The following ZDHHC20 variants were observed in gnomAD, a reference collection of about 807,000 sequenced individuals.
The protein encoded by ZDHHC20 is zDHHC palmitoyltransferase 20, also known as palmitoyltransferase ZDHHC20.
In ZDHHC20, 43 loss-of-function variants were observed where a neutral mutation model predicts 57.8. The ratio of observed to expected loss-of-function variants is 0.74; its 90% CI spans 0.58 to 0.96. The LOEUF is 0.96. Among genes scored for constraint, ZDHHC20 ranks in the 40% least tolerant of loss-of-function variants. The pLI, the probability that ZDHHC20 is intolerant of heterozygous loss-of-function variation, is 0.00. For missense variants in ZDHHC20, 391 were observed against 441.1 expected (o/e 0.89, Z 1.02); for synonymous variants, 157 against 153.0 (o/e 1.03, Z -0.19).
intron 3 of ZDHHC20, among the ~76,000 whole-genome samples, chr13:21,414,096 A>G (rs1441137175): frequency 6.6e-6 from 1 of 152,198 alleles, no homozygotes; most frequent in Non-Finnish European, 1.5e-5. Context: ...TTAGTTGTTT[A>G]AAAGTTACTG....
intron 3 of ZDHHC20, among the ~76,000 whole-genome samples, chr13:21,418,378 C>A (rs1432255324): frequency 6.6e-6 from 1 of 151,956 alleles, no homozygotes; most frequent in Non-Finnish European, 1.5e-5. Flanking sequence ...CTAGAACCAC[C>A]ACCAAAAAAA....
intron 4 of ZDHHC20, among the ~76,000 whole-genome samples, chr13:21,410,883 TGG>T (rs1879115733): frequency 6.6e-6 from 1 of 152,164 alleles, no homozygotes; most frequent in Non-Finnish European, 1.5e-5. Flanking sequence ...TCTGTCTTGC[TGG>T]CGTGCCAGGT....
intron 1 of ZDHHC20, among the ~76,000 whole-genome samples, chr13:21,431,658 T>G: frequency 6.6e-6 from 1 of 152,356 alleles, no homozygotes; most frequent in South Asian, 2.1e-4. Context: ...GAATTGACAG[T>G]TTTTAAAATT....
chr13:21,457,675 T>C (rs1291600372), intron 1 of ZDHHC20, among the ~76,000 whole-genome samples: 1 of 152,248 alleles, frequency 6.6e-6, no homozygotes, highest in Non-Finnish European at 1.5e-5. Context: ...CTGGATGTTT[T>C]AATTTCAAAA....
intron 1 of ZDHHC20, among the ~76,000 whole-genome samples, chr13:21,454,288 T>C (rs1884723609): frequency 6.6e-6 from 1 of 152,124 alleles, no homozygotes; most frequent in East Asian, 1.9e-4. Flanking sequence ...ATCGCCACAT[T>C]GCACTGAAGC....
chr13:21,457,130 T>C (rs766820592), intron 1 of ZDHHC20, among the ~76,000 whole-genome samples: 4 of 152,218 alleles, frequency 2.6e-5, no homozygotes, highest in Non-Finnish European at 5.9e-5. Flanking sequence ...TCATTTCTCC[T>C]TCTTTATTTG....
chr13:21,429,052 G>A (rs1881620664), intron 1 of ZDHHC20, among the ~76,000 whole-genome samples: 1 of 152,082 alleles, frequency 6.6e-6, no homozygotes, highest in African/African-American at 2.4e-5. Flanking sequence ...ATGAGGGCTG[G>A]CTATGTCCTA....
chr13:21,393,189 CT>C (rs544664779), intron 7 of ZDHHC20, among the ~76,000 whole-genome samples: 365 of 131,392 alleles, frequency 2.8e-3, no homozygotes, highest in Middle Eastern at 3.9e-3. Context: ...TTTCTTTTTT[CT>C]TTTTTTTTTT....
intron 3 of ZDHHC20, 94 bp downstream of exon 3, chr13:21,420,967 A>G (rs1035377137): frequency 1.2e-5 from 11 of 927,906 alleles, no homozygotes; most frequent in Admixed American, 4.2e-5. Flanking sequence ...AACAGAACAC[A>G]TGCATTATGT....
chr13:21,383,347 CT>C (rs1358758457), intron 9 of ZDHHC20, among the ~76,000 whole-genome samples: 2 of 152,170 alleles, frequency 1.3e-5, no homozygotes, highest in African/African-American at 4.8e-5. Context: ...GGGAGTTCCC[CT>C]GGCACATACT....
chr13:21,396,444 G>A (rs1244601465), intron 7 of ZDHHC20, among the ~76,000 whole-genome samples: 1 of 152,158 alleles, frequency 6.6e-6, no homozygotes, highest in Non-Finnish European at 1.5e-5. Flanking sequence ...ATATGGAATA[G>A]ACAACAGACA....
At chr13:21,437,447 T>C (rs1473921417) in intron 1 of ZDHHC20, among the ~76,000 whole-genome samples, 1 of 152,158 alleles carries the variant, frequency 6.6e-6, no homozygotes, top group Admixed American at 6.5e-5. Flanking sequence ...CAGTCTTTTA[T>C]TGGAAGAAGA....
chr13:21,404,610 T>C (rs1297954005), intron 4 of ZDHHC20, among the ~76,000 whole-genome samples: 2 of 151,878 alleles, frequency 1.3e-5, no homozygotes, highest in Non-Finnish European at 2.9e-5. Flanking sequence ...AAAAATTAGC[T>C]GGGCGTGGTG....
chr13:21,398,765 G>A (rs1007392850), intron 7 of ZDHHC20, among the ~76,000 whole-genome samples: 3 of 152,186 alleles, frequency 2.0e-5, no homozygotes, highest in African/African-American at 4.8e-5. Flanking sequence ...GGTTTGAGAC[G>A]TGCTGATTTT....
At position 21,427,793 on chromosome 13, in the gene ZDHHC20, C is replaced by G. The variant is rs147907156; in HGVS notation, c.119-2115G>C. Among the ~76,000 whole-genome samples the G allele has an allele frequency of 1.9e-4, 28 of 146,866 alleles. No homozygotes were observed. In the East Asian group the frequency reaches 5.5e-3, roughly 29 times the overall value. ...GAGGTTGCAGTGAGCCAAGACTGCA[C>G]CACTGCACTCCAGCCTGGACAACAG... is the stretch of plus-strand genomic sequence containing the variant. On this transcript the variant is annotated intron_variant, in intron 1 of 12. Coordinates refer to ENST00000400590, the MANE Select transcript of ZDHHC20 (RefSeq NM_001330059.2).
At chr13:21,456,695 A>G (rs1464773899) in intron 1 of ZDHHC20, among the ~76,000 whole-genome samples, 4 of 152,228 alleles carry the variant, frequency 2.6e-5, no homozygotes, top group Non-Finnish European at 5.9e-5. Flanking sequence ...AGAAGTTAAT[A>G]CAGCCTCTAC....
At position 21,416,092 on chromosome 13, in the gene ZDHHC20, C is replaced by T. The variant is rs1879923784; in HGVS notation, c.250-2320G>A. Among the ~76,000 whole-genome samples, 4 of 151,532 alleles carry T rather than the reference C, an allele frequency of 2.6e-5. No homozygotes were observed. In the South Asian group the frequency reaches 8.3e-4, roughly 32 times the overall value. On this transcript the variant is annotated intron_variant, in intron 3 of 12. Coordinates refer to ENST00000400590, the MANE Select transcript of ZDHHC20 (RefSeq NM_001330059.2). ...TGGTGGCATGCGCCTGTAGTCCCAG[C>T]TACTCGGGAGGCTGAGGCAGGAGAA...
At chr13:21,381,743 C>T (rs1873460718) in intron 10 of ZDHHC20, among the ~76,000 whole-genome samples, 194 bp from the exon 11 acceptor site, 1 of 152,064 alleles carries the variant, frequency 6.6e-6, no homozygotes, top group African/African-American at 2.4e-5. Context: ...TCTCTAGACC[C>T]AAGAATCTGT....
chr13:21,392,476 A>G (rs1224785000), intron 7 of ZDHHC20, among the ~76,000 whole-genome samples: 2 of 152,128 alleles, frequency 1.3e-5, no homozygotes, highest in African/African-American at 2.4e-5. Flanking sequence ...AGCTGCTTCA[A>G]TTCCTACTTT....
Sources: allele counts gnomAD v4.1 joint callset (sites outside exome capture counted in the v4.1 genomes callset), GRCh38; gene constraint gnomAD v4.1.1; transcripts MANE v1.5; gene names NCBI Gene and HGNC (gene_info 2026-07-23, HGNC 2026-07-21).